The following SAMD13 variants were observed in gnomAD, a reference collection of about 807,000 sequenced individuals.
The protein encoded by SAMD13 is sterile alpha motif domain containing 13.
SAMD13 carries 9 observed loss-of-function variants against 12.4 expected under a neutral mutation model. The ratio of observed to expected loss-of-function variants is 0.72; its 90% confidence interval spans 0.44 to 1.26. SAMD13 has a LOEUF of 1.26. Ranked by LOEUF, SAMD13 falls within the 50% of genes most tolerant of loss-of-function variation. The pLI is 0.00. For missense variants in SAMD13, 84 were observed against 119.6 expected, an observed-to-expected ratio of 0.70 and a Z score of 1.39; for synonymous variants, 46 against 45.4, an observed-to-expected ratio of 1.01 and a Z score of -0.05.
chr1:84,349,449 T>C lies in SAMD13; in HGVS notation c.166-182T>C, dbSNP rs141348923. 1.4e-3 allele frequency among the ~76,000 whole-genome samples: 212 copies of C among 152,350 alleles called. 1 individual carries two copies. The highest frequency in any genetic ancestry group is 6.8e-3 in the Middle Eastern group (2 of 294). On this transcript the variant is annotated intron_variant, in intron 3 of 3. Coordinates refer to ENST00000394834, the MANE Select transcript of SAMD13 (RefSeq NM_001134663.2). ...ATAGATTGTGTTTAATGCCAAAGTA[T>C]AGCTAAAAGCTGTAAGATAAAAATA...
intron 2 of SAMD13, among the ~76,000 whole-genome samples, chr1:84,315,904 A>G (rs1678822926): frequency 6.6e-6 from 1 of 152,176 alleles, no homozygotes; most frequent in South Asian, 2.1e-4. Flanking sequence ...TGGTAATAGT[A>G]TCCTAAGAGG....
intron 3 of SAMD13, among the ~76,000 whole-genome samples, chr1:84,336,964 C>A (rs1429317325): frequency 6.6e-6 from 1 of 152,224 alleles, no homozygotes; most frequent in Non-Finnish European, 1.5e-5. Flanking sequence ...TCCAGCAGGG[C>A]AGTCAAATCT....
intron 3 of SAMD13, among the ~76,000 whole-genome samples, chr1:84,342,599 A>G (rs1032505316): frequency 6.6e-6 from 1 of 152,190 alleles, no homozygotes; most frequent in Admixed American, 6.5e-5. Flanking sequence ...AAAAACAAGC[A>G]ATGGGGAAAA....
intron 1 of SAMD13, chr1:84,302,541 TAC>T (rs58540263): frequency 0.09 from 18,364 of 203,984 alleles, 902 homozygotes; most frequent in Admixed American, 0.19. Context: ...TTCTTACACA[TAC>T]ACACACACAC....
At chr1:84,314,599 C>T (rs562647108) in intron 2 of SAMD13, among the ~76,000 whole-genome samples, 2 of 152,220 alleles carry the variant, frequency 1.3e-5, no homozygotes, top group South Asian at 2.1e-4. Context: ...AGCCTCACTG[C>T]CCTCACCCTA....
chr1:84,313,978 T>C (rs1029708862), intron 2 of SAMD13, among the ~76,000 whole-genome samples: 2 of 152,194 alleles, frequency 1.3e-5, no homozygotes, highest in Middle Eastern at 3.2e-3. Context: ...TTAAGCTATG[T>C]ATTATGTTAA....
chr1:84,325,644 G>A lies in SAMD13; in HGVS notation c.61G>A (p.Glu21Lys), dbSNP rs996697673. 1.1e-5 allele frequency: 18 copies of A among 1,607,550 alleles called. No individual in the cohort carries two copies. In the African/African-American group the frequency reaches 2.1e-4, roughly 19 times the overall value. Reference sequence around the variant, plus strand: ...TGGATTTGTGTTTTGCAGTTCCATGGAAAATGGGAGACCACCTGATCCTGC... The same window carrying A: ...TGGATTTGTGTTTTGCAGTTCCATGAAAAATGGGAGACCACCTGATCCTGC... ...NGSVGVKNSM[E>K]NGRPPDPADW... Residue 21 changes from glutamate to lysine, a missense_variant, in exon 3 of 4, where the codon GAA (glutamate) becomes AAA (lysine). Coordinates refer to ENST00000394834, the MANE Select transcript of SAMD13 (RefSeq NM_001134663.2).
intron 3 of SAMD13, among the ~76,000 whole-genome samples, chr1:84,333,542 A>T (rs1394498538): frequency 6.6e-6 from 1 of 152,080 alleles, no homozygotes; most frequent in Non-Finnish European, 1.5e-5. Flanking sequence ...GTTGTTAGGA[A>T]TGCTACTGAT....
intron 3 of SAMD13, among the ~76,000 whole-genome samples, chr1:84,330,004 A>T (rs1434180602): frequency 1.3e-5 from 2 of 152,170 alleles, no homozygotes; most frequent in African/African-American, 4.8e-5. Flanking sequence ...TAGTGATTAC[A>T]GCCTTGTCAG....
chr1:84,340,104 G>A (rs954680174), intron 3 of SAMD13, among the ~76,000 whole-genome samples: 2 of 152,154 alleles, frequency 1.3e-5, no homozygotes, highest in Admixed American at 1.3e-4. Context: ...TGAAAAGAGG[G>A]AATTAAACAG....
Position 84,349,615 on chromosome 1 carries a change from T to A in SAMD13, c.166-16T>A. On this transcript the variant is annotated splice_polypyrimidine_tract_variant and intron_variant, in intron 3 of 3. Transcript: ENST00000394834. The stretch of plus-strand genomic sequence containing the variant: ...TTGGACTCACATGTTGGCTTTACCT[T>A]CTGCTTCCATTATAGGAAATTGATG... The A allele has an allele frequency of 6.2e-7, 1 of 1,610,682 alleles. No homozygotes were observed. The highest frequency in any genetic ancestry group is 8.5e-7 in the Non-Finnish European group (1 of 1,177,806).
intron 2 of SAMD13, among the ~76,000 whole-genome samples, chr1:84,319,984 T>C (rs1678906976): frequency 6.6e-6 from 1 of 152,212 alleles, no homozygotes; most frequent in Admixed American, 6.5e-5. Context: ...CTTTCCATCC[T>C]TCTTTCAACC....
chr1:84,299,305 C>T (rs1210863531), upstream of SAMD13, among the ~76,000 whole-genome samples: 1 of 152,176 alleles, frequency 6.6e-6, no homozygotes, highest in Non-Finnish European at 1.5e-5. Flanking sequence ...TCCTAACCGC[C>T]TCCCCTCTCC....
At chr1:84,322,945 A>G (rs192737930) in intron 2 of SAMD13, among the ~76,000 whole-genome samples, 89 of 152,332 alleles carry the variant, frequency 5.8e-4, no homozygotes, top group African/African-American at 2.1e-3. Context: ...TTTTGTTATT[A>G]CAATTGAATA....
intron 3 of SAMD13, among the ~76,000 whole-genome samples, chr1:84,344,153 T>C (rs1465373082): frequency 2.0e-5 from 3 of 151,650 alleles, no homozygotes; most frequent in Non-Finnish European, 4.4e-5. Context: ...CACTAGGAAA[T>C]ACTCATGAAG....
chr1:84,328,256 C>T (rs1286818466), intron 3 of SAMD13, among the ~76,000 whole-genome samples: 1 of 152,160 alleles, frequency 6.6e-6, no homozygotes, highest in African/African-American at 2.4e-5. Flanking sequence ...CTCATTCTGT[C>T]CCAATGGACA....
At position 84,319,625 on chromosome 1, in the gene SAMD13, A is replaced by G. The variant is rs542641618; in HGVS notation, c.54-6012A>G. Among the ~76,000 whole-genome samples the G allele has an allele frequency of 3.3e-3, 349 of 107,234 alleles. 4 individuals are homozygous for G. The Middle Eastern group carries it at 0.04, about 12-fold the overall frequency. The allele number at this position is 107,234 out of a possible 152,430, so 70.3% of individuals were successfully genotyped here. A position where few individuals can be genotyped will look rare whatever the true frequency, so the allele number is the denominator to read the frequency against. On this transcript the variant is annotated intron_variant, in intron 2 of 3. Transcript: ENST00000394834. The stretch of plus-strand genomic sequence containing the variant: ...GCTCCAGCCTGGGTGACAGGAAAAG[A>G]AAAAAAAAAAAAAAAAGGAGCATTG...
intron 3 of SAMD13, among the ~76,000 whole-genome samples, chr1:84,339,958 G>A (rs1317336521): frequency 6.6e-6 from 1 of 152,238 alleles, no homozygotes; most frequent in African/African-American, 2.4e-5. Context: ...GGAGGAGCAA[G>A]GATGTGGAGA....
At chr1:84,298,884 T>G (rs1278304832), upstream of SAMD13, among the ~76,000 whole-genome samples, 1 of 151,354 alleles carries the variant, frequency 6.6e-6, no homozygotes, top group Non-Finnish European at 1.5e-5. Flanking sequence ...ACCTCCACCC[T>G]CCACTTTCCA....
Sources: gnomAD v4.1 joint callset for allele counts (sites outside exome capture counted in the v4.1 genomes callset) on GRCh38, gnomAD v4.1.1 for gene constraint, MANE v1.5 for transcripts, NCBI Gene and HGNC (gene_info 2026-07-23, HGNC 2026-07-21) for gene names.